USP47: variants seen among roughly 807,000 people sequenced by gnomAD.
USP47 encodes the protein ubiquitin specific peptidase 47.
Under a neutral mutation model 165.1 loss-of-function variants are expected in USP47, and 35 were observed. The ratio of observed to expected loss-of-function variants is 0.21; its 90% CI spans 0.16 to 0.28. The LOEUF (loss-of-function observed/expected upper bound fraction) is 0.28, where lower values mean the gene tolerates loss of function less well. USP47 is among the 10% of genes least tolerant of loss of function. The pLI, the probability that USP47 is intolerant of heterozygous loss-of-function variation, is 1.00. For synonymous variants in USP47, 531 were observed against 544.5 expected, an observed-to-expected ratio of 0.98 and a Z score of 0.35; for missense variants, 1,277 against 1,607.4, an observed-to-expected ratio of 0.79 and a Z score of 3.52.
intron 8 of USP47, among the ~76,000 whole-genome samples, chr11:11,915,014 A>G (rs1038926475): frequency 6.6e-6 from 1 of 152,208 alleles, no homozygotes; most frequent in Admixed American, 6.5e-5. Flanking sequence ...TTATGTTTAC[A>G]TGAAAACCTG....
chr11:11,938,750 G>T (rs922276418), intron 18 of USP47, among the ~76,000 whole-genome samples: 7 of 151,958 alleles, frequency 4.6e-5, no homozygotes, highest in African/African-American at 1.7e-4. Context: ...TTAGTGTCTG[G>T]TGACACTAGA....
At chr11:11,944,004 C>T (rs1368607198) in intron 20 of USP47, among the ~76,000 whole-genome samples, 7 of 151,612 alleles carry the variant, frequency 4.6e-5, no homozygotes, top group African/African-American at 1.7e-4. Flanking sequence ...GGTAAGAAAG[C>T]CAAAGCTCAT....
chr11:11,858,675 G>A (rs1350527800), intron 1 of USP47, among the ~76,000 whole-genome samples: 1 of 152,138 alleles, frequency 6.6e-6, no homozygotes, highest in Non-Finnish European at 1.5e-5. Context: ...TAGTATGGTA[G>A]CATTTTGGGT....
intron 1 of USP47, among the ~76,000 whole-genome samples, chr11:11,874,867 G>A (rs139416686): frequency 6.2e-4 from 95 of 152,144 alleles, no homozygotes; most frequent in African/African-American, 2.1e-3. Context: ...CAGCTGATAC[G>A]TTTTATAAAT....
intron 1 of USP47, among the ~76,000 whole-genome samples, chr11:11,864,442 C>A (rs1033839840): frequency 1.3e-5 from 2 of 152,042 alleles, no homozygotes; most frequent in Non-Finnish European, 2.9e-5. Context: ...TAAGTACATT[C>A]TTATTGTTGT....
In USP47 at chr11:11,920,358, A is replaced by G; in HGVS notation, c.1082A>G (p.His361Arg). The G allele has an allele frequency of 6.2e-7, 1 of 1,607,176 alleles. No individual in the cohort carries two copies. The highest frequency in any genetic ancestry group is 8.5e-7 in the Non-Finnish European group (1 of 1,177,172). The change falls in exon 10 of 28, where the codon CAT becomes CGT. Residue 361 changes from histidine (H) to arginine (R), a missense_variant. His to Arg is a conservative substitution (Grantham distance 29). Transcript: ENST00000527733. ...CDARKGLRFL[H>R]FPYLLTLQLK... ...GTTTTTTAGGGCCTTCGGTTTTTGC[A>G]TTTTCCTTATCTGCTGACCTTACAG...
At chr11:11,885,581 C>T (rs918752589) in intron 3 of USP47, among the ~76,000 whole-genome samples, 3 of 152,130 alleles carry the variant, frequency 2.0e-5, no homozygotes, top group Admixed American at 6.5e-5. Context: ...GTCCAATACA[C>T]AGAGCTATGT....
rs752212219 is a variant in USP47, at chr11:11,930,035, C to T, written c.1519-9C>T. On this transcript the variant is annotated splice_polypyrimidine_tract_variant and intron_variant, in intron 12 of 27. Transcript: ENST00000527733. Reference sequence around the variant, plus strand: ...AATTTGCAAAAAAAATCATGTAACACATTTTCAGATAACACAAGAGGACAT... The same window carrying T: ...AATTTGCAAAAAAAATCATGTAACATATTTTCAGATAACACAAGAGGACAT... 25 of 1,611,680 alleles carry T rather than the reference C, an allele frequency of 1.6e-5. No individual in the cohort carries two copies. The highest frequency in any genetic ancestry group is 1.2e-4 in the Admixed American group (7 of 59,862).
chr11:11,844,093 C>G (rs776695925), intron 1 of USP47, among the ~76,000 whole-genome samples: 121 of 152,240 alleles, frequency 7.9e-4, no homozygotes, highest in South Asian at 1.9e-3. Flanking sequence ...GCCTCCAGTT[C>G]CATATTTGCT....
At chr11:11,941,520 A>T (rs771813121) in intron 19 of USP47, among the ~76,000 whole-genome samples, 3 of 152,016 alleles carry the variant, frequency 2.0e-5, no homozygotes, top group Non-Finnish European at 4.4e-5. Flanking sequence ...TTCAAACGTA[A>T]ACAAAAGTAG....
At chr11:11,910,574 T>C (rs1224979614) in intron 8 of USP47, among the ~76,000 whole-genome samples, 1 of 151,940 alleles carries the variant, frequency 6.6e-6, no homozygotes, top group African/African-American at 2.4e-5. Context: ...CTTGTGTCAG[T>C]GTTGGGGTGT....
At position 11,919,315 on chromosome 11, in the gene USP47, G is replaced by T. The variant is rs535649641; in HGVS notation, c.970-841G>T. 2.0e-5 allele frequency among the ~76,000 whole-genome samples: 3 copies of T among 151,964 alleles called. No homozygotes were observed. In the Middle Eastern group the frequency reaches 0.01, roughly 517 times the overall value. ...AATGATTCCATTTCTTTTAGTTTAT[G>T]TGTAATATTATCAGTAGTTCTGCTT... On this transcript the variant is annotated intron_variant, in intron 8 of 27. Coordinates refer to ENST00000527733, the MANE Select transcript of USP47 (RefSeq NM_001282659.2).
At chr11:11,922,645 C>T (rs1172695802) in intron 10 of USP47, 79 bp from the exon 11 acceptor site, 3 of 1,032,590 alleles carry the variant, frequency 2.9e-6, no homozygotes, top group African/African-American at 3.3e-5. Flanking sequence ...AAAATATTAG[C>T]AGTATATAGG....
intron 1 of USP47, chr11:11,873,871 A>G: frequency 1.4e-6 from 2 of 1,456,794 alleles, no homozygotes; most frequent in Non-Finnish European, 1.8e-6. Context: ...TAGACTGCTG[A>G]TGTAATTGCT....
intron 8 of USP47, among the ~76,000 whole-genome samples, chr11:11,911,532 TA>T (rs1267792235): frequency 1.3e-5 from 2 of 151,876 alleles, no homozygotes; most frequent in Admixed American, 1.3e-4. Flanking sequence ...TACATTGTAA[TA>T]AAAGTGTCAA....
chr11:11,904,925 A>T (rs1021582647), intron 7 of USP47, among the ~76,000 whole-genome samples: 1 of 152,180 alleles, frequency 6.6e-6, no homozygotes, highest in East Asian at 1.9e-4. Flanking sequence ...TATACATCAG[A>T]ATATATTATT....
chr11:11,918,641 A>G (rs1853599874), intron 8 of USP47, among the ~76,000 whole-genome samples: 2 of 152,072 alleles, frequency 1.3e-5, no homozygotes, highest in Non-Finnish European at 2.9e-5. Flanking sequence ...GTTGATGAAT[A>G]TGAGTAAAGT....
At chr11:11,896,786 A>G (rs1851874811) in intron 4 of USP47, among the ~76,000 whole-genome samples, 1 of 152,156 alleles carries the variant, frequency 6.6e-6, no homozygotes, top group African/African-American at 2.4e-5. Context: ...ATAGTCTGGA[A>G]TAGAAGCAGT....
chr11:11,896,908 G>A (rs4450170), intron 4 of USP47, among the ~76,000 whole-genome samples: 1 of 152,060 alleles, frequency 6.6e-6, no homozygotes, highest in African/African-American at 2.4e-5. Context: ...GTGAAAAGCA[G>A]ATAGCTACCA....
Sources: gnomAD v4.1 joint callset for allele counts (sites outside exome capture counted in the v4.1 genomes callset) on GRCh38, gnomAD v4.1.1 for gene constraint, MANE v1.5 for transcripts, NCBI Gene and HGNC (gene_info 2026-07-23, HGNC 2026-07-21) for gene names.